Variants in LPP observed in about 807,000 individuals in gnomAD.
LPP encodes lipoma-preferred partner.
A neutral mutation model predicts 60.4 loss-of-function variants in LPP; 38 were observed. That is an observed-to-expected ratio of 0.63 (90% CI 0.49 to 0.83). The LOEUF is 0.83. LPP is among the 40% of genes least tolerant of loss of function. LPP has a pLI of 0.00. For synonymous variants in LPP, 328 were observed against 290.8 expected, an observed-to-expected ratio of 1.13 and a Z score of -1.30; for missense variants, 902 against 783.6, an observed-to-expected ratio of 1.15 and a Z score of -1.80.
chr3:188,884,944 C>T lies in LPP; in HGVS notation c.*10465C>T. 1 of 218,618 alleles carries T rather than the reference C, an allele frequency of 4.6e-6. No individual in the cohort carries two copies. Among genetic ancestry groups the T allele is most frequent in the Non-Finnish European group, 9.2e-6 (1 of 108,756 alleles). 13.5% of individuals were successfully genotyped at this position (218,618 alleles called of 1,614,324 possible). A position where few individuals can be genotyped will look rare whatever the true frequency, so the allele number is the denominator to read the frequency against. On this transcript the variant is annotated 3_prime_UTR_variant, in exon 12 of 12. Coordinates refer to ENST00000617246, the MANE Select transcript of LPP (RefSeq NM_001375462.1). ...CTTTGCCATTTGATAGACTTTGCTT[C>T]CCAGGATGCTGTCATTTTGTGATTT...
chr3:188,207,143 C>T (rs569642108), intron 1 of LPP, among the ~76,000 whole-genome samples: 16 of 151,734 alleles, frequency 1.1e-4, no homozygotes, highest in African/African-American at 3.6e-4. Flanking sequence ...TTCAATCTAC[C>T]TTTCTGAGTT....
chr3:188,592,563 T>TTTTTTTTTTGG lies in LPP; in HGVS notation c.430-16598_430-16597insTTTTTTTTTGG. On this transcript the variant is annotated intron_variant, in intron 6 of 11. Coordinates refer to ENST00000617246, the MANE Select transcript of LPP (RefSeq NM_001375462.1). ...TGTTTTTAGTTTTGTTTTTGTTTTT[T>TTTTTTTTTTGG]AAATGGAGTCTCACTCTTTCTCCCA... Among the ~76,000 whole-genome samples the TTTTTTTTTTGG allele has an allele frequency of 1.8e-4, 14 of 77,248 alleles. 1 individual carries two copies. The highest frequency in any genetic ancestry group is 2.8e-4 in the Non-Finnish European group (10 of 36,196). 50.7% of individuals were successfully genotyped at this position (77,248 alleles called of 152,430 possible). A position where few individuals can be genotyped will look rare whatever the true frequency, so the allele number is the denominator to read the frequency against.
intron 1 of LPP, among the ~76,000 whole-genome samples, chr3:188,214,547 G>T (rs983929056): frequency 6.6e-6 from 1 of 152,200 alleles, no homozygotes; most frequent in Non-Finnish European, 1.5e-5. Context: ...CAGAGGAAGT[G>T]CTCTGAGACC....
intron 7 of LPP, among the ~76,000 whole-genome samples, chr3:188,664,784 A>G (rs972822479): frequency 6.6e-6 from 1 of 152,182 alleles, no homozygotes; most frequent in Non-Finnish European, 1.5e-5. Flanking sequence ...GTGATTTTTC[A>G]TGAGCTAGGT....
intron 8 of LPP, among the ~76,000 whole-genome samples, 184 bp from the exon 9 acceptor site, chr3:188,759,929 A>G (rs1370518047): frequency 6.6e-6 from 1 of 152,122 alleles, no homozygotes; most frequent in East Asian, 1.9e-4. Context: ...CCAATCTTGC[A>G]GAGGATAGGG....
At chr3:188,608,255 G>A (rs951980541) in intron 6 of LPP, among the ~76,000 whole-genome samples, 1 of 152,108 alleles carries the variant, frequency 6.6e-6, no homozygotes, top group African/African-American at 2.4e-5. Flanking sequence ...TATTCTTCAT[G>A]ACCAATTGTC....
chr3:188,297,170 C>T (rs1748202121), intron 2 of LPP, among the ~76,000 whole-genome samples: 1 of 152,180 alleles, frequency 6.6e-6, no homozygotes, highest in Admixed American at 6.5e-5. Flanking sequence ...TCTACTTATG[C>T]AACACCAATT....
chr3:188,545,167 G>A (rs1329405521), intron 6 of LPP, among the ~76,000 whole-genome samples: 1 of 125,610 alleles, frequency 8.0e-6, no homozygotes, highest in Non-Finnish European at 1.7e-5. Flanking sequence ...TGACACGTTA[G>A]TGGGTGCAGC....
In LPP at chr3:188,268,403, A is replaced by G. The variant is rs151005110; in HGVS notation, c.-67+42876A>G. On this transcript the variant is annotated intron_variant, in intron 2 of 11. Transcript: ENST00000617246. ...AATTCGTGAATTGGGCAGGCCCCAAACCAGATAATCTGGCACTGCCATTTG... is the reference window on the plus strand; with the variant it reads ...AATTCGTGAATTGGGCAGGCCCCAAGCCAGATAATCTGGCACTGCCATTTG... 1.5e-3 allele frequency among the ~76,000 whole-genome samples: 226 copies of G among 152,378 alleles called. 1 individual carries two copies. The highest frequency in any genetic ancestry group is 1.4e-3 in the Admixed American group (22 of 15,302).
At chr3:188,825,581 G>A (rs575802392) in intron 9 of LPP, among the ~76,000 whole-genome samples, 1 of 151,954 alleles carries the variant, frequency 6.6e-6, no homozygotes, top group African/African-American at 2.4e-5. Context: ...CTGAGAGTGA[G>A]AGAGTAATGG....
At chr3:188,615,983 T>C (rs996610293) in intron 7 of LPP, among the ~76,000 whole-genome samples, 1 of 152,214 alleles carries the variant, frequency 6.6e-6, no homozygotes, top group Admixed American at 6.5e-5. Context: ...ATTCTCGATA[T>C]TAGACCTGTG....
intron 4 of LPP, among the ~76,000 whole-genome samples, chr3:188,468,571 C>T (rs1488894735): frequency 6.6e-6 from 1 of 152,026 alleles, no homozygotes; most frequent in Non-Finnish European, 1.5e-5. Context: ...GTCAGTTAAG[C>T]CAAGGAAGTG....
intron 4 of LPP, among the ~76,000 whole-genome samples, chr3:188,476,138 T>C (rs1803160774): frequency 1.3e-5 from 2 of 152,258 alleles, no homozygotes; most frequent in Admixed American, 1.3e-4. Context: ...GATATTCCGT[T>C]TGATTTACTT....
At chr3:188,194,424 C>G (rs1265504189) in intron 1 of LPP, among the ~76,000 whole-genome samples, 1 of 152,168 alleles carries the variant, frequency 6.6e-6, no homozygotes, top group African/African-American at 2.4e-5. Context: ...GGTCCTCTCT[C>G]TAGAGAGGCA....
At chr3:188,830,400 C>G (rs1756837434) in intron 9 of LPP, among the ~76,000 whole-genome samples, 1 of 151,060 alleles carries the variant, frequency 6.6e-6, no homozygotes, top group Non-Finnish European at 1.5e-5. Context: ...GTCAGGAGAT[C>G]AAGACCATCC....
At chr3:188,462,001 C>A (rs1430553471) in intron 4 of LPP, among the ~76,000 whole-genome samples, 1 of 151,976 alleles carries the variant, frequency 6.6e-6, no homozygotes, top group African/African-American at 2.4e-5. Flanking sequence ...AAATTTTAAT[C>A]CAAAAGTTAC....
intron 5 of LPP, among the ~76,000 whole-genome samples, chr3:188,521,237 G>A (rs1818774576): frequency 6.6e-6 from 1 of 152,134 alleles, no homozygotes; most frequent in Non-Finnish European, 1.5e-5. Flanking sequence ...CACAGCATTA[G>A]ACTGGAACTT....
chr3:188,768,715 A>G (rs1734918078), intron 9 of LPP, among the ~76,000 whole-genome samples: 1 of 152,230 alleles, frequency 6.6e-6, no homozygotes, highest in Non-Finnish European at 1.5e-5. Flanking sequence ...CTGTTATCCA[A>G]TTTAAGAAAT....
chr3:188,697,356 G>T (rs1372869803), intron 7 of LPP, among the ~76,000 whole-genome samples: 2 of 152,130 alleles, frequency 1.3e-5, no homozygotes, highest in African/African-American at 4.8e-5. Context: ...AATTTACCTC[G>T]CCATGGAAAG....
Sources: gnomAD v4.1 joint callset for allele counts (sites outside exome capture counted in the v4.1 genomes callset) on GRCh38, gnomAD v4.1.1 for gene constraint, MANE v1.5 for transcripts, NCBI Gene and HGNC (gene_info 2026-07-23, HGNC 2026-07-21) for gene names.